Variants in SLC13A4 observed in about 807,000 individuals in gnomAD.
The protein encoded by SLC13A4 is Na(+)/sulfate cotransporter SUT-1.
In SLC13A4, 28 loss-of-function variants were observed where a neutral mutation model predicts 72.7. The ratio of observed to expected loss-of-function variants is 0.39; its 90% confidence interval spans 0.29 to 0.53. The LOEUF (loss-of-function observed/expected upper bound fraction) is 0.53, where lower values mean the gene tolerates loss of function less well. Among genes scored for constraint, SLC13A4 ranks in the 20% least tolerant of loss-of-function variants. SLC13A4 has a pLI of 0.78. For synonymous variants in SLC13A4, 312 were observed against 325.5 expected (o/e 0.96, Z 0.45); for missense variants, 653 against 788.0 (o/e 0.83, Z 2.05).
At chr7:135,715,274 AGT>A (rs1300687325) in intron 2 of SLC13A4, among the ~76,000 whole-genome samples, 4 of 148,020 alleles carry the variant, frequency 2.7e-5, no homozygotes, top group Non-Finnish European at 6.0e-5. Flanking sequence ...CATGTGTATG[AGT>A]GTATGAGTGT....
intron 10 of SLC13A4, 91 bp downstream of exon 10, chr7:135,694,046 A>G (rs978499021): frequency 2.5e-6 from 2 of 786,800 alleles, no homozygotes; most frequent in Non-Finnish European, 4.4e-6. Context: ...TCCCAGTGTC[A>G]GGGATTGTCA....
chr7:135,698,334 CTTTTTT>C (rs10563133), intron 8 of SLC13A4, among the ~76,000 whole-genome samples: 4 of 104,416 alleles, frequency 3.8e-5, no homozygotes, highest in African/African-American at 3.9e-5. Context: ...TGCTGGGACT[CTTTTTT>C]TTTTTTTTTT....
intron 1 of SLC13A4, among the ~76,000 whole-genome samples, chr7:135,724,126 C>T (rs1378571726): frequency 3.9e-5 from 6 of 152,106 alleles, no homozygotes; most frequent in Non-Finnish European, 8.8e-5. Context: ...TTCCTGGAAC[C>T]CTTAGTCTTT....
Position 135,708,117 on chromosome 7 carries a change from C to T in SLC13A4, c.362G>A (p.Gly121Asp), listed in dbSNP as rs899740812. Residue 121 changes from glycine to aspartate, a missense_variant, in exon 3 of 16, where the codon GGC (glycine) becomes GAC (aspartate). Coordinates refer to ENST00000682651, the MANE Select transcript of SLC13A4 (RefSeq NM_001318192.2). The part of the protein sequence containing the change: ...RMVLMAGAKP[G>D]MLLLCFMCCT... ...TGGCATCCCAAATAAGACTTACATG[C>T]CCGGCTTGGCTCCGGCCATCAAGAC... The T allele has an allele frequency of 4.3e-6, 7 of 1,612,794 alleles. No individual in the cohort carries two copies. The highest frequency in any genetic ancestry group is 5.9e-6 in the Non-Finnish European group (7 of 1,178,986).
At chr7:135,688,603 A>G (rs1189058847) in intron 13 of SLC13A4, among the ~76,000 whole-genome samples, 1 of 152,178 alleles carries the variant, frequency 6.6e-6, no homozygotes, top group Non-Finnish European at 1.5e-5. Context: ...CAGCAGAACT[A>G]TTTTATACTA....
intron 15 of SLC13A4, among the ~76,000 whole-genome samples, chr7:135,682,103 G>A (rs1188487425): frequency 3.3e-5 from 5 of 152,202 alleles, no homozygotes; most frequent in Non-Finnish European, 7.3e-5. Flanking sequence ...TGTACGAGGG[G>A]CTATATTACA....
Position 135,685,576 on chromosome 7 carries a change from C to T in SLC13A4, c.1554G>A (p.Glu518=). Reference sequence around the variant, plus strand: ...TGATGGTTGCTGGGTTGCTCACAAACTCAGTGACAATGGACACGAGGATGC... The same window carrying T: ...TGATGGTTGCTGGGTTGCTCACAAATTCAGTGACAATGGACACGAGGATGC... ...LACILVSIVT[E]FVSNPATITI... The change falls in exon 14 of 16, where the codon GAG becomes GAA. Residue 518 remains glutamate, a synonymous_variant. Coordinates refer to ENST00000682651, the MANE Select transcript of SLC13A4 (RefSeq NM_001318192.2). 1.2e-6 allele frequency: 2 copies of T among 1,614,210 alleles called. No individual in the cohort carries two copies. Among genetic ancestry groups the T allele is most frequent in the Middle Eastern group, 1.6e-4 (1 of 6,062 alleles).
chr7:135,691,818 G>A (rs1795794537), intron 11 of SLC13A4, 173 bp from the exon 12 acceptor site: 3 of 562,774 alleles, frequency 5.3e-6, no homozygotes, highest in Admixed American at 6.2e-5. Flanking sequence ...GATTTAATGG[G>A]CAATGGCGAA....
At chr7:135,709,895 T>G (rs1796258708) in intron 2 of SLC13A4, among the ~76,000 whole-genome samples, 1 of 152,230 alleles carries the variant, frequency 6.6e-6, no homozygotes, top group African/African-American at 2.4e-5. Context: ...TACTGTTGTT[T>G]GTTTATTTTT....
chr7:135,718,353 T>C (rs1389875484), intron 2 of SLC13A4, among the ~76,000 whole-genome samples: 2 of 152,190 alleles, frequency 1.3e-5, no homozygotes, highest in African/African-American at 4.8e-5. Flanking sequence ...GTCACACTGA[T>C]CCTATTCACG....
chr7:135,702,729 A>T, intron 6 of SLC13A4, 116 bp downstream of exon 6: 2 of 851,070 alleles, frequency 2.3e-6, no homozygotes, highest in South Asian at 2.8e-5. Flanking sequence ...ACTGAAAGGA[A>T]CTCTAAGGTG....
Position 135,685,681 on chromosome 7 carries a change from G to C in SLC13A4, c.1449C>G (p.Ser483Arg). The C allele has an allele frequency of 6.2e-7, 1 of 1,613,080 alleles. No individual in the cohort carries two copies. The highest frequency in any genetic ancestry group is 8.5e-7 in the Non-Finnish European group (1 of 1,179,086). Reference sequence around the variant, plus strand: ...TCCCAATCCATGTAGAGAGGCCAGAGCTCTGTAGGAAGAGGTGTTACAGTA... The same window carrying C: ...TCCCAATCCATGTAGAGAGGCCAGACCTCTGTAGGAAGAGGTGTTACAGTA... ...GGYALASGSK[S>R]SGLSTWIGNQ... Residue 483 changes from serine to arginine, a missense_variant and splice_region_variant, in exon 14 of 16, where the codon AGC becomes AGG. Ser to Arg is a moderately radical substitution (Grantham distance 110, BLOSUM62 -1). Coordinates refer to ENST00000682651, the MANE Select transcript of SLC13A4 (RefSeq NM_001318192.2).
Position 135,701,754 on chromosome 7 carries a change from T to G in SLC13A4, c.640A>C (p.Asn214His). 8 of 1,613,656 alleles carry G rather than the reference T, an allele frequency of 5.0e-6. No individual in the cohort carries two copies. The highest frequency in any genetic ancestry group is 6.8e-6 in the Non-Finnish European group (8 of 1,179,818). Residue 214 changes from asparagine to histidine, a missense_variant, in exon 7 of 16, where the codon AAT becomes CAT. Transcript: ENST00000682651. Reference protein sequence around the residue: ...LTTLMHNENLNGVPSITNPIK... With the variant: ...LTTLMHNENLHGVPSITNPIK... ...GGGTTGGTGATCGAGGGCACACCAT[T>G]CAGGTTCTGTTGGGACAAAGGCCAT...
chr7:135,701,094 T>C (rs750958227), intron 7 of SLC13A4, among the ~76,000 whole-genome samples: 1 of 152,218 alleles, frequency 6.6e-6, no homozygotes, highest in African/African-American at 2.4e-5. Flanking sequence ...TCAAAATCGC[T>C]ACCTCATTGA....
At chr7:135,695,542 T>A in intron 8 of SLC13A4, 55 bp from the exon 9 acceptor site, 1 of 1,575,488 alleles carries the variant, frequency 6.3e-7, no homozygotes, top group South Asian at 1.1e-5. Context: ...CCATATGGTA[T>A]TTTGGGGTAG....
At chr7:135,705,005 G>C (rs929325199) in intron 5 of SLC13A4, 1 of 152,476 alleles carries the variant, frequency 6.6e-6, no homozygotes, top group Non-Finnish European at 1.5e-5. Flanking sequence ...TCTCCAAATG[G>C]AATCAGCTGT....
At chr7:135,721,584 A>G in intron 1 of SLC13A4, 61 bp from the exon 2 acceptor site, 1 of 1,600,310 alleles carries the variant, frequency 6.2e-7, no homozygotes, top group South Asian at 1.1e-5. Context: ...GAGCGTCCGG[A>G]TGCAACCCTG....
intron 2 of SLC13A4, among the ~76,000 whole-genome samples, chr7:135,719,039 C>T (rs574120341): frequency 2.0e-5 from 3 of 152,336 alleles, no homozygotes; most frequent in East Asian, 1.9e-4. Context: ...GCCAAAGCCA[C>T]GTCATCAGGC....
intron 15 of SLC13A4, chr7:135,683,519 G>C (rs62479528): frequency 0.037 from 36,273 of 983,954 alleles, 705 homozygotes; most frequent in Middle Eastern, 0.071. Context: ...ATAGCAGCAG[G>C]TGTATAGGTA....
Sources: gnomAD v4.1 joint callset for allele counts (sites outside exome capture counted in the v4.1 genomes callset) on GRCh38, gnomAD v4.1.1 for gene constraint, MANE v1.5 for transcripts, NCBI Gene and HGNC (gene_info 2026-07-23, HGNC 2026-07-21) for gene names.